Variants in ARHGAP24 observed in about 807,000 individuals in gnomAD.
ARHGAP24 encodes the protein Rho GTPase activating protein 24.
ARHGAP24 carries 50 observed loss-of-function variants against 76.4 expected under a neutral mutation model. That is an observed-to-expected ratio of 0.65 (90% CI 0.52 to 0.83). The LOEUF is 0.83. ARHGAP24 is among the 40% of genes least tolerant of loss of function. ARHGAP24 has a pLI of 0.00. For missense variants in ARHGAP24, 930 were observed against 914.2 expected (o/e 1.02, Z -0.22); for synonymous variants, 345 against 323.3 (o/e 1.07, Z -0.72).
chr4:85,923,023 C>T (rs756788500), intron 3 of ARHGAP24, among the ~76,000 whole-genome samples: 7 of 151,776 alleles, frequency 4.6e-5, no homozygotes, highest in Non-Finnish European at 8.8e-5. Context: ...TTGATCTGGC[C>T]TTCGTGGCTG....
chr4:85,856,530 G>A (rs981269681), intron 3 of ARHGAP24, among the ~76,000 whole-genome samples: 2 of 142,370 alleles, frequency 1.4e-5, no homozygotes, highest in African/African-American at 5.2e-5. Flanking sequence ...GAGTGCAATG[G>A]CATGACCTGG....
intron 1 of ARHGAP24, among the ~76,000 whole-genome samples, chr4:85,531,062 T>C (rs1725237418): frequency 6.6e-6 from 1 of 152,038 alleles, no homozygotes; most frequent in Non-Finnish European, 1.5e-5. Flanking sequence ...GAAATCGTTT[T>C]TTCCTTTCTT....
chr4:85,530,302 G>A (rs1725207282), intron 1 of ARHGAP24, among the ~76,000 whole-genome samples: 1 of 151,962 alleles, frequency 6.6e-6, no homozygotes, highest in Admixed American at 6.6e-5. Flanking sequence ...ACGATAAACT[G>A]TTAATTCATC....
intron 3 of ARHGAP24, among the ~76,000 whole-genome samples, chr4:85,871,479 A>AT (rs532109112): frequency 6.6e-6 from 1 of 152,176 alleles, no homozygotes; most frequent in Admixed American, 6.5e-5. Flanking sequence ...CTTTCTACAG[A>AT]AAGAATGAAA....
intron 3 of ARHGAP24, among the ~76,000 whole-genome samples, chr4:85,783,022 G>A (rs1333533232): frequency 6.6e-6 from 1 of 152,084 alleles, no homozygotes; most frequent in Non-Finnish European, 1.5e-5. Flanking sequence ...AACATGAACA[G>A]TTCATTAAGC....
chr4:85,847,824 G>C (rs932484734), intron 3 of ARHGAP24, among the ~76,000 whole-genome samples: 1 of 152,110 alleles, frequency 6.6e-6, no homozygotes, highest in Non-Finnish European at 1.5e-5. Context: ...GGAGGGTAAT[G>C]CTGCCCTCCA....
At chr4:85,875,013 T>C (rs1466882518) in intron 3 of ARHGAP24, among the ~76,000 whole-genome samples, 2 of 101,118 alleles carry the variant, frequency 2.0e-5, no homozygotes, top group African/African-American at 8.3e-5. Context: ...TATATATAAG[T>C]TATATAAAAT....
chr4:85,506,403 G>A lies in ARHGAP24; in HGVS notation c.-21+30844G>A, dbSNP rs191089725. ...GCTGAGCTGTGGTGGGCTCTGCCCA[G>A]TTTGAGCTTCTTGGCCACTTTGTTT... On this transcript the variant is annotated intron_variant, in intron 1 of 9. Coordinates refer to ENST00000395184, the MANE Select transcript of ARHGAP24 (RefSeq NM_001025616.3). Among the ~76,000 whole-genome samples, 15 of 152,368 alleles carry A rather than the reference G, an allele frequency of 9.8e-5. No homozygotes were observed. In the East Asian group the frequency reaches 2.9e-3, roughly 29 times the overall value.
intron 3 of ARHGAP24, among the ~76,000 whole-genome samples, chr4:85,817,266 A>G (rs979618222): frequency 3.3e-5 from 5 of 152,212 alleles, no homozygotes; most frequent in African/African-American, 9.6e-5. Flanking sequence ...TTAGTTTGAT[A>G]TAATTCCATT....
chr4:85,789,609 G>A (rs543813890), intron 3 of ARHGAP24, among the ~76,000 whole-genome samples: 178 of 152,272 alleles, frequency 1.2e-3, no homozygotes, highest in Non-Finnish European at 1.7e-3. Flanking sequence ...ACAGAAAAGC[G>A]TATTATATTG....
chr4:85,639,764 G>T (rs1420650794), intron 2 of ARHGAP24, among the ~76,000 whole-genome samples: 11 of 150,838 alleles, frequency 7.3e-5, no homozygotes, highest in Admixed American at 7.3e-4. Context: ...CTAAAATTAT[G>T]AAAGATTTTC....
chr4:85,728,990 C>T (rs994203046), intron 3 of ARHGAP24, among the ~76,000 whole-genome samples: 1 of 152,150 alleles, frequency 6.6e-6, no homozygotes, highest in Non-Finnish European at 1.5e-5. Flanking sequence ...CTTTCTTGAT[C>T]ACCAGTTAAA....
At chr4:85,740,380 G>A (rs1314264960) in intron 3 of ARHGAP24, among the ~76,000 whole-genome samples, 1 of 151,770 alleles carries the variant, frequency 6.6e-6, no homozygotes, top group Non-Finnish European at 1.5e-5. Flanking sequence ...CCACCTCCAT[G>A]CCCTGCTAAT....
At chr4:85,743,498 G>T (rs72656272) in intron 3 of ARHGAP24, among the ~76,000 whole-genome samples, 11,210 of 149,846 alleles carry the variant, frequency 0.075, 487 homozygotes, top group Middle Eastern at 0.11. Flanking sequence ...AGCCCAGAAG[G>T]CTGAGTCAGC....
At chr4:85,944,713 G>GT (rs1737153372) in intron 5 of ARHGAP24, among the ~76,000 whole-genome samples, 1 of 152,186 alleles carries the variant, frequency 6.6e-6, no homozygotes. Context: ...ACGCGTGACC[G>GT]TGGGTAATAA....
chr4:85,887,665 G>C (rs569329800), intron 3 of ARHGAP24, among the ~76,000 whole-genome samples: 1 of 152,194 alleles, frequency 6.6e-6, no homozygotes, highest in South Asian at 2.1e-4. Flanking sequence ...TTTCTCCATG[G>C]AAGTTTCTCC....
chr4:85,969,422 T>A (rs1738827829), intron 5 of ARHGAP24, among the ~76,000 whole-genome samples: 1 of 152,104 alleles, frequency 6.6e-6, no homozygotes, highest in African/African-American at 2.4e-5. Flanking sequence ...GTTTATATAG[T>A]CATGCAAATT....
chr4:85,635,244 A>G (rs1283184212), intron 2 of ARHGAP24, among the ~76,000 whole-genome samples: 2 of 151,600 alleles, frequency 1.3e-5, no homozygotes, highest in Non-Finnish European at 3.0e-5. Flanking sequence ...ATGGTGCCAA[A>G]CCATTGATGT....
chr4:85,712,565 G>GT (rs1578163065), intron 2 of ARHGAP24, among the ~76,000 whole-genome samples: 1 of 152,144 alleles, frequency 6.6e-6, no homozygotes, highest in Non-Finnish European at 1.5e-5. Context: ...TCTTCTGAGG[G>GT]TTTGGGGGGA....
Sources: gnomAD v4.1 joint callset for allele counts (sites outside exome capture counted in the v4.1 genomes callset) on GRCh38, gnomAD v4.1.1 for gene constraint, MANE v1.5 for transcripts, NCBI Gene and HGNC (gene_info 2026-07-23, HGNC 2026-07-21) for gene names.